ASB1: variants seen among roughly 807,000 people sequenced by gnomAD.
ASB1 encodes ankyrin repeat and SOCS box containing 1, also known as ankyrin repeat and SOCS box protein 1.
ASB1 carries 18 observed loss-of-function variants against 27.7 expected under a neutral mutation model. The ratio of observed to expected loss-of-function variants is 0.65; its 90% CI spans 0.45 to 0.96. ASB1 has a LOEUF of 0.96. Ranked by LOEUF, ASB1 falls within the 50% of genes least tolerant of loss-of-function variation. ASB1 has a pLI of 0.00. For synonymous variants in ASB1, 189 were observed against 187.6 expected, an observed-to-expected ratio of 1.01 and a Z score of -0.06; for missense variants, 397 against 451.7, an observed-to-expected ratio of 0.88 and a Z score of 1.10.
chr2:238,442,315 T>C (rs536687189), intron 3 of ASB1, among the ~76,000 whole-genome samples: 9 of 152,258 alleles, frequency 5.9e-5, no homozygotes, highest in Admixed American at 3.3e-4. Flanking sequence ...TTTCGTCATG[T>C]TGGCCAGGCT....
chr2:238,438,955 A>G (rs552771974), intron 3 of ASB1, among the ~76,000 whole-genome samples: 1 of 152,368 alleles, frequency 6.6e-6, no homozygotes, highest in South Asian at 2.1e-4. Context: ...AATATTCAGG[A>G]TTAAAATTAA....
At chr2:238,427,225 C>T in intron 1 of ASB1, 106 bp downstream of exon 1, 4 of 895,856 alleles carry the variant, frequency 4.5e-6, no homozygotes, top group Admixed American at 4.4e-5. Context: ...CTGGCCGGGT[C>T]CACGGGGCAG....
intron 3 of ASB1, among the ~76,000 whole-genome samples, chr2:238,437,495 G>T (rs1701995846): frequency 6.6e-6 from 1 of 151,618 alleles, no homozygotes; most frequent in Non-Finnish European, 1.5e-5. Context: ...CTCCCAAAGT[G>T]CTGGTATTAC....
chr2:238,442,344 T>G (rs1183352146), intron 3 of ASB1, among the ~76,000 whole-genome samples: 1 of 152,100 alleles, frequency 6.6e-6, no homozygotes, highest in Non-Finnish European at 1.5e-5. Flanking sequence ...ACTCCTGACC[T>G]CAGATGATCC....
chr2:238,436,140 A>G, intron 3 of ASB1, 127 bp downstream of exon 3: 1 of 858,356 alleles, frequency 1.2e-6, no homozygotes, highest in Non-Finnish European at 1.7e-6. Context: ...CTTTGTAAAG[A>G]GCTGCCTCTT....
chr2:238,433,604 G>T lies in ASB1; in HGVS notation c.100G>T (p.Glu34Ter). Residue 34 changes from glutamate (E) to a stop codon, truncating the protein, a stop_gained, in exon 2 of 5, where the codon GAG becomes TAG. Coordinates refer to ENST00000264607, the MANE Select transcript of ASB1 (RefSeq NM_001040445.3). LOFTEE classifies it high-confidence loss of function. ...GGAGCAATTTTGTGATCATCCGCTG[G>T]AGCACTGTGAGGACACGAGGCTCCA... ...LREQFCDHPL[E>*]HCEDTRLHDA... The T allele has an allele frequency of 6.2e-7, 1 of 1,614,126 alleles. No individual in the cohort carries two copies. Among genetic ancestry groups the T allele is most frequent in the Non-Finnish European group, 8.5e-7 (1 of 1,180,012 alleles).
rs1407360516 is a variant in ASB1 at position 238,450,994 on chromosome 2, CCCG to C, written c.*4485_*4487del. The C allele has an allele frequency of 1.5e-5, 2 of 132,498 alleles. No individual in the cohort carries two copies. Among genetic ancestry groups the C allele is most frequent in the Non-Finnish European group, 3.6e-5 (2 of 55,920 alleles). 8.2% of individuals were successfully genotyped at this position (132,498 alleles called of 1,614,324 possible). A position where few individuals can be genotyped will look rare whatever the true frequency, so the allele number is the denominator to read the frequency against. ...CTCACTTATGCCTCACTCCCCTCCT[CCCG>C]CTCCAAACCCGAACCTCTCAGTGTG... On this transcript the variant is annotated 3_prime_UTR_variant, in exon 5 of 5. Coordinates refer to ENST00000264607, the MANE Select transcript of ASB1 (RefSeq NM_001040445.3).
intron 1 of ASB1, chr2:238,427,420 A>C: frequency 3.0e-5 from 9 of 302,718 alleles, no homozygotes; most frequent in Non-Finnish European, 4.2e-5. Context: ...ATATGACCCA[A>C]CCGCAAAAGT....
Position 238,446,601 on chromosome 2 carries a change from C to A in ASB1, c.*90C>A. 1 of 1,506,920 alleles carries A rather than the reference C, an allele frequency of 6.6e-7. No individual in the cohort carries two copies. Among genetic ancestry groups the A allele is most frequent in the South Asian group, 1.1e-5 (1 of 88,568 alleles). 93.3% of individuals were successfully genotyped at this position (1,506,920 alleles called of 1,614,324 possible). A position where few individuals can be genotyped will look rare whatever the true frequency, so the allele number is the denominator to read the frequency against. ...CCCTGAGTGCTGTGCTGCTGCTGGT[C>A]TCCTGATGGCTGTTGCTGCAGAAGA... On this transcript the variant is annotated 3_prime_UTR_variant, in exon 5 of 5. Coordinates refer to ENST00000264607, the MANE Select transcript of ASB1 (RefSeq NM_001040445.3).
rs1279363714 is a variant in ASB1, at chr2:238,446,466, G to C, written c.963G>C (p.Ser321=). The C allele has an allele frequency of 6.2e-7, 1 of 1,614,070 alleles. No individual in the cohort carries two copies. The highest frequency in any genetic ancestry group is 2.2e-5 in the East Asian group (1 of 44,880). ...AACACCGGCTTCATCTGATTCCTTC[G>C]CTGCCTCTGCCAGACCCCATAAAGA... ...LGKHRLHLIP[S]LPLPDPIKKF... Residue 321 remains serine (S), a synonymous_variant, in exon 5 of 5, where the codon TCG becomes TCC. Coordinates refer to ENST00000264607, the MANE Select transcript of ASB1 (RefSeq NM_001040445.3).
At chr2:238,431,096 C>G (rs1268409111) in intron 1 of ASB1, among the ~76,000 whole-genome samples, 1 of 152,242 alleles carries the variant, frequency 6.6e-6, no homozygotes, top group Non-Finnish European at 1.5e-5. Flanking sequence ...CTATGAAAGT[C>G]CTAGATGGCA....
Position 238,447,326 on chromosome 2 carries a change from C to G in ASB1, c.*815C>G, listed in dbSNP as rs1009653951. On this transcript the variant is annotated 3_prime_UTR_variant, in exon 5 of 5. Coordinates refer to ENST00000264607, the MANE Select transcript of ASB1 (RefSeq NM_001040445.3). ...GCCCGAGGCGCTGTCTTCTGTCCCCCACACGTACCAGAAAGTGAAAAATGC... is the reference window on the plus strand; with the variant it reads ...GCCCGAGGCGCTGTCTTCTGTCCCCGACACGTACCAGAAAGTGAAAAATGC... 6.5e-6 allele frequency: 1 copy of G among 152,800 alleles called. No individual in the cohort carries two copies. Among genetic ancestry groups the G allele is most frequent in the Non-Finnish European group, 1.5e-5 (1 of 68,152 alleles). The allele number at this position is 152,800 out of a possible 1,614,324, so 9.5% of individuals were successfully genotyped here.
intron 4 of ASB1, among the ~76,000 whole-genome samples, chr2:238,445,614 A>G (rs1446455162): frequency 1.3e-5 from 2 of 152,118 alleles, no homozygotes; most frequent in Non-Finnish European, 2.9e-5. Flanking sequence ...CATTGACCTC[A>G]TGTGTTGTCT....
intron 3 of ASB1, among the ~76,000 whole-genome samples, chr2:238,443,415 A>G (rs185511559): frequency 1.3e-5 from 2 of 152,154 alleles, no homozygotes; most frequent in African/African-American, 4.8e-5. Context: ...TTGTTTTCCC[A>G]TATTATTTAG....
rs1271796097 is a variant in ASB1, at chr2:238,448,687, ACCTGGGAATGCTG to A, written c.*2180_*2192del. On this transcript the variant is annotated 3_prime_UTR_variant, in exon 5 of 5. Coordinates refer to ENST00000264607, the MANE Select transcript of ASB1 (RefSeq NM_001040445.3). ...GTTATTGAACCTTTTGGGAAGCAGC[ACCTGGGAATGCTG>A]CCTCGTGGGAGTCCCATGCGTGAGT... The A allele has an allele frequency of 6.6e-6, 1 of 152,420 alleles. No homozygotes were observed. The highest frequency in any genetic ancestry group is 1.5e-5 in the Non-Finnish European group (1 of 68,194). The allele number at this position is 152,420 out of a possible 1,614,324, so 9.4% of individuals were successfully genotyped here. A position where few individuals can be genotyped will look rare whatever the true frequency, so the allele number is the denominator to read the frequency against.
At position 238,446,481 on chromosome 2, in the gene ASB1, C is replaced by T. The variant is rs1334805358; in HGVS notation, c.978C>T (p.Asp326=). 3 of 1,614,048 alleles carry T rather than the reference C, an allele frequency of 1.9e-6. No homozygotes were observed. Among genetic ancestry groups the T allele is most frequent in the Non-Finnish European group, 2.5e-6 (3 of 1,180,028 alleles). The part of the protein sequence containing the change: ...LHLIPSLPLP[D]PIKKFLLHE ...TGATTCCTTCGCTGCCTCTGCCAGA[C>T]CCCATAAAGAAGTTTCTACTCCATG... Residue 326 remains aspartate, a synonymous_variant, in exon 5 of 5, where the codon GAC becomes GAT. Transcript: ENST00000264607.
chr2:238,450,739 T>A lies in ASB1; in HGVS notation c.*4228T>A, dbSNP rs1702266756. On this transcript the variant is annotated 3_prime_UTR_variant, in exon 5 of 5. Transcript: ENST00000264607. ...ATGGGACACACTCACAGGAAGCTGA[T>A]GTGGCCTTCTCGGTGAGGACTGCAC... 6.6e-6 allele frequency: 1 copy of A among 152,300 alleles called. No homozygotes were observed. Among genetic ancestry groups the A allele is most frequent in the Non-Finnish European group, 1.5e-5 (1 of 68,122 alleles). The allele number at this position is 152,300 out of a possible 1,614,324, so 9.4% of individuals were successfully genotyped here.
Position 238,444,680 on chromosome 2 carries a change from G to C in ASB1, c.833G>C (p.Arg278Thr). 1 of 1,614,086 alleles carries C rather than the reference G, an allele frequency of 6.2e-7. No individual in the cohort carries two copies. Among genetic ancestry groups the C allele is most frequent in the Non-Finnish European group, 8.5e-7 (1 of 1,180,004 alleles). Residue 278 changes from arginine (R) to threonine (T), a missense_variant, in exon 4 of 5, where the codon AGA becomes ACA. Physicochemically the swap from Arg to Thr is moderately conservative, Grantham distance 71 (BLOSUM62 -1). Coordinates refer to ENST00000264607, the MANE Select transcript of ASB1 (RefSeq NM_001040445.3). Reference sequence around the variant, plus strand: ...TCGCTGGGCCCAGAGTCGAGAGGAAGAAGAAAAGTGGACCCTGAGGCCTTG... The same window carrying C: ...TCGCTGGGCCCAGAGTCGAGAGGAACAAGAAAAGTGGACCCTGAGGCCTTG... ...WESLGPESRG[R>T]RKVDPEALQV...
chr2:238,431,571 C>T (rs980841177), intron 1 of ASB1, among the ~76,000 whole-genome samples: 2 of 152,252 alleles, frequency 1.3e-5, no homozygotes, highest in Non-Finnish European at 2.9e-5. Flanking sequence ...AGAGGCCTAT[C>T]TTTGAACCTT....
Sources: gnomAD v4.1 joint callset for allele counts (sites outside exome capture counted in the v4.1 genomes callset) on GRCh38, gnomAD v4.1.1 for gene constraint, MANE v1.5 for transcripts, NCBI Gene and HGNC (gene_info 2026-07-23, HGNC 2026-07-21) for gene names.